FAM135B: variants seen among roughly 807,000 people sequenced by gnomAD.
FAM135B encodes the protein family with sequence similarity 135 member B.
Under a neutral mutation model 127.7 loss-of-function variants are expected in FAM135B, and 43 were observed. The ratio of observed to expected loss-of-function variants is 0.34; its 90% confidence interval spans 0.26 to 0.43. FAM135B has a LOEUF of 0.43. Among genes scored for constraint, FAM135B ranks in the 20% least tolerant of loss-of-function variants. The probability of loss-of-function intolerance (pLI) is 1.00; values close to 1 mark genes in which losing one functional copy is unlikely to be tolerated. For synonymous variants in FAM135B, 670 were observed against 665.1 expected (o/e 1.01, Z -0.11); for missense variants, 1,558 against 1,725.6 (o/e 0.90, Z 1.72).
chr8:138,320,061 C>G (rs1257415294), intron 2 of FAM135B, among the ~76,000 whole-genome samples: 1 of 152,186 alleles, frequency 6.6e-6, no homozygotes, highest in Non-Finnish European at 1.5e-5. Flanking sequence ...GGAGACTCCT[C>G]TAGCGCCTCC....
chr8:138,487,340 C>A (rs1263425346), intron 1 of FAM135B, among the ~76,000 whole-genome samples: 5 of 152,130 alleles, frequency 3.3e-5, no homozygotes, highest in African/African-American at 4.8e-5. Context: ...CCCGCCAGCC[C>A]CCATGGGACT....
At chr8:138,291,467 C>G (rs1257336679) in intron 3 of FAM135B, among the ~76,000 whole-genome samples, 3 of 151,864 alleles carry the variant, frequency 2.0e-5, no homozygotes, top group Non-Finnish European at 4.4e-5. Flanking sequence ...ACCTTGATAC[C>G]AAAACAAGAT....
chr8:138,360,897 C>G, intron 2 of FAM135B, among the ~76,000 whole-genome samples: 1 of 150,668 alleles, frequency 6.6e-6, no homozygotes, highest in East Asian at 2.0e-4. Flanking sequence ...CTCAGTAGGT[C>G]TGAGACCAGG....
chr8:138,133,971 T>A (rs911113405), intron 19 of FAM135B, among the ~76,000 whole-genome samples: 3 of 152,236 alleles, frequency 2.0e-5, no homozygotes, highest in African/African-American at 7.2e-5. Flanking sequence ...TGTAGCCATG[T>A]CAATTCAGCT....
chr8:138,397,364 G>A (rs969430097), intron 1 of FAM135B, among the ~76,000 whole-genome samples: 14 of 152,208 alleles, frequency 9.2e-5, no homozygotes, highest in East Asian at 3.9e-4. Context: ...GACACCGACC[G>A]CTTAAGGGGT....
At chr8:138,469,366 A>G (rs1837556421) in intron 1 of FAM135B, among the ~76,000 whole-genome samples, 2 of 152,156 alleles carry the variant, frequency 1.3e-5, no homozygotes, top group East Asian at 1.9e-4. Context: ...ACAATTTTTT[A>G]CAAGGCAACT....
At chr8:138,403,181 A>T (rs946324517) in intron 1 of FAM135B, among the ~76,000 whole-genome samples, 12 of 152,298 alleles carry the variant, frequency 7.9e-5, no homozygotes, top group African/African-American at 2.9e-4. Flanking sequence ...ACTCCACAGC[A>T]AAACATACTG....
intron 2 of FAM135B, among the ~76,000 whole-genome samples, chr8:138,338,417 A>T (rs1408663097): frequency 6.6e-6 from 1 of 152,150 alleles, no homozygotes; most frequent in East Asian, 1.9e-4. Context: ...TTACAAGAAA[A>T]AAACAAACAA....
intron 1 of FAM135B, among the ~76,000 whole-genome samples, chr8:138,432,566 CA>C (rs1417594545): frequency 7.9e-5 from 12 of 151,880 alleles, no homozygotes; most frequent in African/African-American, 2.7e-4. Flanking sequence ...GAGAGTTATA[CA>C]GGTTATTTTG....
Position 138,178,709 on chromosome 8 carries a change from T to C in FAM135B, c.874-19A>G. ...TCAACATCTGGAGAGGCAAAAAAGGTGGTATTCAAGGCTCCTGACTCCATG... is the reference window on the plus strand; with the variant it reads ...TCAACATCTGGAGAGGCAAAAAAGGCGGTATTCAAGGCTCCTGACTCCATG... On this transcript the variant is annotated intron_variant, in intron 9 of 19. Coordinates refer to ENST00000395297, the MANE Select transcript of FAM135B (RefSeq NM_015912.4). 6.2e-7 allele frequency: 1 copy of C among 1,612,504 alleles called. No homozygotes were observed. The highest frequency in any genetic ancestry group is 8.5e-7 in the Non-Finnish European group (1 of 1,179,116).
intron 2 of FAM135B, among the ~76,000 whole-genome samples, chr8:138,327,858 G>C (rs1410412205): frequency 6.6e-6 from 1 of 152,172 alleles, no homozygotes; most frequent in Non-Finnish European, 1.5e-5. Context: ...GAAGACAGGA[G>C]TTGATTTAAG....
intron 12 of FAM135B, 95 bp from the exon 13 acceptor site, chr8:138,153,311 A>G: frequency 3.7e-6 from 4 of 1,083,748 alleles, no homozygotes; most frequent in Non-Finnish European, 5.1e-6. Context: ...GAATTTAGCT[A>G]TGTGGACTCG....
chr8:138,412,723 CTTTCCTT>C, intron 1 of FAM135B, among the ~76,000 whole-genome samples: 1 of 152,296 alleles, frequency 6.6e-6, no homozygotes, highest in Non-Finnish European at 1.5e-5. Flanking sequence ...ATGATTTCCC[CTTTCCTT>C]TTTCCTGGAA....
intron 1 of FAM135B, among the ~76,000 whole-genome samples, chr8:138,494,512 G>A (rs1338589099): frequency 6.6e-6 from 1 of 152,180 alleles, no homozygotes; most frequent in Non-Finnish European, 1.5e-5. Context: ...ATAGGAAGGG[G>A]CATTTGAGTT....
intron 12 of FAM135B, among the ~76,000 whole-genome samples, chr8:138,165,774 A>C (rs1246131273): frequency 6.6e-6 from 1 of 152,224 alleles, no homozygotes; most frequent in African/African-American, 2.4e-5. Flanking sequence ...AAAACGTCTC[A>C]GTGTCATGTT....
At position 138,367,897 on chromosome 8, in the gene FAM135B, G is replaced by C. The variant is rs2131216408; in HGVS notation, c.77+10C>G. The C allele has an allele frequency of 6.3e-7, 1 of 1,581,338 alleles. No homozygotes were observed. Among genetic ancestry groups the C allele is most frequent in the Non-Finnish European group, 8.7e-7 (1 of 1,153,586 alleles). ...CACACACACACACACAAATTGTAAA[G>C]CATACTTACCCTCTCTGAAAGAGAT... On this transcript the variant is annotated intron_variant, in intron 2 of 19. Coordinates refer to ENST00000395297, the MANE Select transcript of FAM135B (RefSeq NM_015912.4).
At chr8:138,281,748 GTTTAT>G (rs1379572983) in intron 3 of FAM135B, among the ~76,000 whole-genome samples, 2 of 151,998 alleles carry the variant, frequency 1.3e-5, no homozygotes, top group Admixed American at 6.6e-5. Context: ...CATTAGGGTG[GTTTAT>G]TTTATCTCAT....
At chr8:138,274,259 AAGAG>A (rs1823630755) in intron 3 of FAM135B, among the ~76,000 whole-genome samples, 1 of 152,166 alleles carries the variant, frequency 6.6e-6, no homozygotes, top group African/African-American at 2.4e-5. Flanking sequence ...CAGAGTACAA[AAGAG>A]AGAAATTTTA....
At chr8:138,366,159 G>A (rs1339363779) in intron 2 of FAM135B, among the ~76,000 whole-genome samples, 1 of 152,128 alleles carries the variant, frequency 6.6e-6, no homozygotes, top group Non-Finnish European at 1.5e-5. Context: ...GCTATGTACT[G>A]TTCTACTTCC....
Sources: gnomAD v4.1 joint callset for allele counts (sites outside exome capture counted in the v4.1 genomes callset) on GRCh38, gnomAD v4.1.1 for gene constraint, MANE v1.5 for transcripts, NCBI Gene and HGNC (gene_info 2026-07-23, HGNC 2026-07-21) for gene names.